The following NNT variants were observed in gnomAD, a reference collection of about 807,000 sequenced individuals.
NNT encodes NAD(P) transhydrogenase, mitochondrial.
Under a neutral mutation model 104.8 loss-of-function variants are expected in NNT, and 50 were observed. The observed-to-expected ratio is 0.48, with a 90% CI of 0.38 to 0.60. The LOEUF (loss-of-function observed/expected upper bound fraction) is 0.60. NNT is among the 20% of genes least tolerant of loss of function. The pLI, the probability that NNT is intolerant of heterozygous loss-of-function variation, is 0.00. For synonymous variants in NNT, 461 were observed against 490.4 expected (o/e 0.94, Z 0.79); for missense variants, 1,131 against 1,330.7 (o/e 0.85, Z 2.33).
rs1743089341 is a variant in NNT, at chr5:43,706,157, A to G, written c.*1753A>G. 1 of 151,578 alleles carries G rather than the reference A, an allele frequency of 6.6e-6. No homozygotes were observed. The highest frequency in any genetic ancestry group is 6.6e-5 in the Admixed American group (1 of 15,246). The allele number at this position is 151,578 out of a possible 1,614,324, so 9.4% of individuals were successfully genotyped here. A position where few individuals can be genotyped will look rare whatever the true frequency, so the allele number is the denominator to read the frequency against. ...AATCCTTTGTCATCAATTGTGTTAA[A>G]TGAATTGAAAATTCATGCCCTGTTC... On this transcript the variant is annotated 3_prime_UTR_variant, in exon 22 of 22. Coordinates refer to ENST00000344920, the MANE Select transcript of NNT (RefSeq NM_182977.3).
chr5:43,628,539 T>C lies in NNT; in HGVS notation c.964+152T>C, dbSNP rs144719345. ...AAGTACTAGAAAACGAGAAAATATA[T>C]GACAAAATTCATAGTCATTAATAAT... On this transcript the variant is annotated intron_variant, in intron 7 of 21. Transcript: ENST00000344920. The C allele has an allele frequency of 2.1e-4, 126 of 612,758 alleles. No individual in the cohort carries two copies. In the East Asian group the frequency reaches 4.1e-3, roughly 20 times the overall value. The allele number at this position is 612,758 out of a possible 1,614,324, so 38.0% of individuals were successfully genotyped here.
At chr5:43,636,585 A>G (rs888935964) in intron 7 of NNT, among the ~76,000 whole-genome samples, 1 of 152,232 alleles carries the variant, frequency 6.6e-6, no homozygotes, top group Non-Finnish European at 1.5e-5. Context: ...TAACAAAATA[A>G]TAACATCAGA....
chr5:43,695,808 G>A (rs1742527396), intron 19 of NNT, among the ~76,000 whole-genome samples: 1 of 152,172 alleles, frequency 6.6e-6, no homozygotes, highest in South Asian at 2.1e-4. Flanking sequence ...ATCTTACATG[G>A]ATGGGAGCAA....
chr5:43,670,954 A>G (rs1741037703), intron 17 of NNT, among the ~76,000 whole-genome samples: 1 of 152,182 alleles, frequency 6.6e-6, no homozygotes, highest in Non-Finnish European at 1.5e-5. Context: ...TTGCTTTATG[A>G]ATCCGGGTGC....
At chr5:43,683,345 T>C (rs1435014574) in intron 19 of NNT, among the ~76,000 whole-genome samples, 1 of 152,256 alleles carries the variant, frequency 6.6e-6, no homozygotes, top group Non-Finnish European at 1.5e-5. Context: ...AGATTGGCTT[T>C]ATCTTGTCCA....
chr5:43,616,734 G>A (rs948084890), intron 4 of NNT, among the ~76,000 whole-genome samples: 4 of 152,138 alleles, frequency 2.6e-5, no homozygotes, highest in Non-Finnish European at 2.9e-5. Context: ...CTATGATTGA[G>A]TAATCATGCC....
At position 43,698,239 on chromosome 5, in the gene NNT, T is replaced by C. The variant is rs576518583; in HGVS notation, c.2877-1880T>C. 5.9e-5 allele frequency among the ~76,000 whole-genome samples: 9 copies of C among 152,010 alleles called. No homozygotes were observed. In the South Asian group the frequency reaches 1.9e-3, roughly 32 times the overall value. The stretch of plus-strand genomic sequence containing the variant: ...ATATATTGCAAATCCTCAAATAACG[T>C]CATTTTGTTCAGTATCATTTTGTTA... On this transcript the variant is annotated intron_variant, in intron 19 of 21. Transcript: ENST00000344920.
intron 19 of NNT, among the ~76,000 whole-genome samples, chr5:43,697,059 C>T (rs975025266): frequency 6.6e-6 from 1 of 152,218 alleles, no homozygotes; most frequent in South Asian, 2.1e-4. Flanking sequence ...TTGAATTTCT[C>T]CTCAGAAAAT....
At chr5:43,671,199 G>T (rs1419268138) in intron 17 of NNT, among the ~76,000 whole-genome samples, 6 of 152,054 alleles carry the variant, frequency 3.9e-5, no homozygotes, top group Non-Finnish European at 5.9e-5. Flanking sequence ...GATGAGTCTT[G>T]TGAATACAGC....
At chr5:43,637,658 G>T (rs1231672761) in intron 7 of NNT, among the ~76,000 whole-genome samples, 1 of 152,140 alleles carries the variant, frequency 6.6e-6, no homozygotes, top group Non-Finnish European at 1.5e-5. Flanking sequence ...ACAATTTCAG[G>T]CTCCAGTGTG....
intron 1 of NNT, among the ~76,000 whole-genome samples, chr5:43,606,995 G>GT (rs140893518): frequency 1.4e-4 from 21 of 149,588 alleles, no homozygotes; most frequent in South Asian, 4.2e-4. Context: ...TTGTTTTTTT[G>GT]TTTTTTTTTT....
intron 19 of NNT, among the ~76,000 whole-genome samples, chr5:43,678,165 G>A (rs567816416): frequency 3.3e-5 from 5 of 152,242 alleles, no homozygotes; most frequent in South Asian, 2.1e-4. Context: ...TTGTCTTTAC[G>A]TTGAGTGAGA....
intron 6 of NNT, among the ~76,000 whole-genome samples, chr5:43,627,300 G>A (rs1302389744): frequency 6.6e-6 from 1 of 152,196 alleles, no homozygotes; most frequent in East Asian, 1.9e-4. Flanking sequence ...GAACATGATG[G>A]TTGCTAGGGA....
At chr5:43,677,838 T>C (rs373645180) in intron 19 of NNT, 32 bp downstream of exon 19, 15 of 1,501,986 alleles carry the variant, frequency 1.0e-5, no homozygotes, top group African/African-American at 1.4e-5. Context: ...GCTTGCACTA[T>C]GTGTAAAGAT....
intron 11 of NNT, among the ~76,000 whole-genome samples, chr5:43,649,879 A>G (rs1739661941): frequency 6.6e-6 from 1 of 152,220 alleles, no homozygotes; most frequent in East Asian, 1.9e-4. Flanking sequence ...GCAATGGGTC[A>G]GATATGAGAG....
upstream of NNT, chr5:43,602,733 A>T (rs1180560151): frequency 6.6e-6 from 1 of 152,190 alleles, no homozygotes; most frequent in Non-Finnish European, 1.5e-5. Context: ...GATTTTTCCT[A>T]GCGAGCTGGA....
chr5:43,603,949 A>G (rs1749069280), intron 1 of NNT, among the ~76,000 whole-genome samples: 1 of 152,180 alleles, frequency 6.6e-6, no homozygotes, highest in East Asian at 1.9e-4. Context: ...TTCAAACTCA[A>G]CAGCCGGAAT....
At position 43,645,377 on chromosome 5, in the gene NNT, A is replaced by C; in HGVS notation, c.1311A>C (p.Pro437=). The C allele has an allele frequency of 6.4e-7, 1 of 1,551,028 alleles. No homozygotes were observed. The highest frequency in any genetic ancestry group is 8.7e-7 in the Non-Finnish European group (1 of 1,147,374). The part of the protein sequence containing the change: ...VVMKDGKVIF[P]APTPKNIPQG... ...ATTAGGATGGTAAAGTGATTTTCCC[A>C]GCTCCCACACCGAAAAATATTCCTC... The change falls in exon 10 of 22, where the codon CCA becomes CCC. Residue 437 remains proline (P), a synonymous_variant. Transcript: ENST00000344920.
chr5:43,642,948 G>A (rs1751313682), intron 7 of NNT, among the ~76,000 whole-genome samples: 1 of 152,140 alleles, frequency 6.6e-6, no homozygotes, highest in Non-Finnish European at 1.5e-5. Context: ...TTAAAGAGAT[G>A]GAGTTTCACT....
Sources: gnomAD v4.1 joint callset for allele counts (sites outside exome capture counted in the v4.1 genomes callset) on GRCh38, gnomAD v4.1.1 for gene constraint, MANE v1.5 for transcripts, NCBI Gene and HGNC (gene_info 2026-07-23, HGNC 2026-07-21) for gene names.